The following NTNG2 variants were observed in gnomAD, a reference collection of about 807,000 sequenced individuals.
NTNG2 encodes netrin G2.
A neutral mutation model predicts 47.6 loss-of-function variants in NTNG2; 15 were observed. The observed-to-expected ratio is 0.32, with a 90% CI of 0.21 to 0.49. The LOEUF is 0.49. NTNG2 is among the 20% of genes least tolerant of loss of function. NTNG2 has a pLI of 0.99. For missense variants in NTNG2, 578 were observed against 764.6 expected (o/e 0.76, Z 2.88); for synonymous variants, 307 against 324.6 (o/e 0.95, Z 0.58).
intron 2 of NTNG2, among the ~76,000 whole-genome samples, chr9:132,186,486 C>T (rs999580148): frequency 2.0e-5 from 3 of 152,236 alleles, no homozygotes; most frequent in Admixed American, 1.3e-4. Context: ...TCTGGTGGTT[C>T]GGCTGACGGA....
intron 3 of NTNG2, among the ~76,000 whole-genome samples, chr9:132,223,313 G>C (rs1440301070): frequency 6.6e-6 from 1 of 152,180 alleles, no homozygotes; most frequent in Non-Finnish European, 1.5e-5. Context: ...GCTCTGGAAG[G>C]CGGCCCCCAG....
intron 5 of NTNG2, chr9:132,238,878 C>T (rs968852028): frequency 3.2e-6 from 2 of 623,034 alleles, no homozygotes; most frequent in Admixed American, 5.8e-5. Flanking sequence ...AGGTGGGAAT[C>T]CCTGGGCTCA....
intron 2 of NTNG2, among the ~76,000 whole-genome samples, chr9:132,174,577 C>G (rs943577401): frequency 6.6e-6 from 1 of 152,100 alleles, no homozygotes; most frequent in Non-Finnish European, 1.5e-5. Context: ...ACAAATAAGA[C>G]GAGACCAGGC....
chr9:132,241,735 C>A, intron 7 of NTNG2, 141 bp from the exon 8 acceptor site: 1 of 598,654 alleles, frequency 1.7e-6, no homozygotes, highest in South Asian at 2.1e-5. Context: ...GGGGACGTTT[C>A]GCACCCAGCG....
intron 2 of NTNG2, among the ~76,000 whole-genome samples, chr9:132,189,812 TA>T (rs1837726163): frequency 6.6e-6 from 1 of 151,556 alleles, no homozygotes; most frequent in African/African-American, 2.4e-5. Flanking sequence ...ACTAATTATT[TA>T]TTTTTTTTAA....
chr9:132,194,663 T>A (rs1838147119), intron 2 of NTNG2, among the ~76,000 whole-genome samples: 1 of 152,266 alleles, frequency 6.6e-6, no homozygotes, highest in East Asian at 1.9e-4. Flanking sequence ...TCCCCCCATC[T>A]GCTTAAGGAG....
rs1348665111 is a variant in NTNG2 at position 132,241,013 on chromosome 9, C to T, written c.1326C>T (p.Leu442=). The change falls in exon 7 of 8, where the codon CTC becomes CTT. Residue 442 remains leucine (L), a synonymous_variant. Coordinates refer to ENST00000393229, the MANE Select transcript of NTNG2 (RefSeq NM_032536.4). ...CGGGCCCCAAGTGCGACGACTGCCTCCCCACGCACTACTGGCGCCAGGGCT... is the reference window on the plus strand; with the variant it reads ...CGGGCCCCAAGTGCGACGACTGCCTTCCCACGCACTACTGGCGCCAGGGCT... The part of the protein sequence containing the change: ...GAAGPKCDDC[L]PTHYWRQGCY... 1 of 1,608,130 alleles carries T rather than the reference C, an allele frequency of 6.2e-7. No individual in the cohort carries two copies. The highest frequency in any genetic ancestry group is 1.1e-5 in the South Asian group (1 of 90,862).
In NTNG2 at chr9:132,162,567, AGAGTGTGTGTGTGTGT is replaced by A. The variant is rs1426915854; in HGVS notation, c.-484+330_-484+345del. 4.7e-4 allele frequency among the ~76,000 whole-genome samples: 48 copies of A among 101,772 alleles called. No individual in the cohort carries two copies. Among genetic ancestry groups the A allele is most frequent in the African/African-American group, 1.7e-3 (48 of 27,504 alleles). The allele number at this position is 101,772 out of a possible 152,430, so 66.8% of individuals were successfully genotyped here. ...GTGTGTGTGTGTGTGAGAGAGAGAC[AGAGTGTGTGTGTGTGT>A]GTGTGTGTGTGTGTGTGTGTGTGTG... On this transcript the variant is annotated intron_variant, in intron 1 of 7. Transcript: ENST00000393229. The surrounding 1 kb of genome is among the most constrained non-coding windows in gnomAD (Gnocchi z 4.6).
At chr9:132,201,325 G>T (rs967952665) in intron 3 of NTNG2, among the ~76,000 whole-genome samples, 1 of 152,264 alleles carries the variant, frequency 6.6e-6, no homozygotes, top group Non-Finnish European at 1.5e-5. Flanking sequence ...CTCTGCGGGC[G>T]GCGGGGAGGA....
chr9:132,225,393 C>T (rs1050320815), intron 3 of NTNG2, among the ~76,000 whole-genome samples: 2 of 152,156 alleles, frequency 1.3e-5, no homozygotes, highest in Non-Finnish European at 2.9e-5. Context: ...GCCCTAGCCT[C>T]TTGAGTAGCT....
chr9:132,222,084 G>A (rs1260093138), intron 3 of NTNG2, among the ~76,000 whole-genome samples: 1 of 152,200 alleles, frequency 6.6e-6, no homozygotes, highest in Non-Finnish European at 1.5e-5. Context: ...GTCAGATTTT[G>A]CAGACAAACT....
chr9:132,179,544 C>T (rs531638597), intron 2 of NTNG2, among the ~76,000 whole-genome samples: 10 of 152,256 alleles, frequency 6.6e-5, no homozygotes, highest in Non-Finnish European at 1.5e-4. Context: ...GCAATGCCGG[C>T]GATCATGGTG....
Position 132,198,624 on chromosome 9 carries a change from A to G in NTNG2, c.857+15A>G. On this transcript the variant is annotated intron_variant, in intron 3 of 7. Coordinates refer to ENST00000393229, the MANE Select transcript of NTNG2 (RefSeq NM_032536.4). ...GTCATCGGCAGGTAAGGCCGGGGGA[A>G]GCCCTGGATGTCACCTGCAACCTGG... 6.3e-7 allele frequency: 1 copy of G among 1,599,288 alleles called. No homozygotes were observed. Among genetic ancestry groups the G allele is most frequent in the Non-Finnish European group, 8.5e-7 (1 of 1,170,142 alleles).
intron 2 of NTNG2, among the ~76,000 whole-genome samples, chr9:132,177,246 C>T (rs1055077277): frequency 3.3e-5 from 5 of 152,220 alleles, no homozygotes; most frequent in Admixed American, 6.5e-5. Context: ...CTGGGCCTCC[C>T]GAAGTGCTGG....
At chr9:132,201,448 T>C (rs944028909) in intron 3 of NTNG2, among the ~76,000 whole-genome samples, 3 of 152,230 alleles carry the variant, frequency 2.0e-5, no homozygotes, top group Non-Finnish European at 4.4e-5. Flanking sequence ...AGCGAAGGAC[T>C]GAGGTTACCT....
chr9:132,165,843 G>T (rs1395159633), intron 1 of NTNG2, among the ~76,000 whole-genome samples: 1 of 152,192 alleles, frequency 6.6e-6, no homozygotes, highest in Non-Finnish European at 1.5e-5. Flanking sequence ...ATCTCCAAAT[G>T]TGCAACTCTG....
intron 2 of NTNG2, among the ~76,000 whole-genome samples, chr9:132,176,061 A>G (rs1836421494): frequency 6.6e-6 from 1 of 152,082 alleles, no homozygotes; most frequent in South Asian, 2.1e-4. Context: ...CAGTTAAACA[A>G]CGTTTTGGTG....
Position 132,234,146 on chromosome 9 carries a change from A to C in NTNG2, c.1054+3551A>C, listed in dbSNP as rs558184411. ...CAGGTTCAAGCAATTCTCCTGCCTC[A>C]GCCTCCCGAGTAGCTGGGATTACAG... is the stretch of plus-strand genomic sequence containing the variant. On this transcript the variant is annotated intron_variant, in intron 5 of 7. Coordinates refer to ENST00000393229, the MANE Select transcript of NTNG2 (RefSeq NM_032536.4). Among the ~76,000 whole-genome samples, 35 of 151,374 alleles carry C rather than the reference A, an allele frequency of 2.3e-4. 1 individual carries two copies. In the South Asian group the frequency reaches 4.4e-3, roughly 19 times the overall value.
chr9:132,177,357 T>G (rs1209972520), intron 2 of NTNG2, among the ~76,000 whole-genome samples: 1 of 152,226 alleles, frequency 6.6e-6, no homozygotes, highest in Admixed American at 6.5e-5. Context: ...GTGTCATATC[T>G]AAGAAACCAC....
Sources: allele counts gnomAD v4.1 joint callset (sites outside exome capture counted in the v4.1 genomes callset), GRCh38; gene constraint gnomAD v4.1.1; non-coding constraint Gnocchi (gnomAD v3.1); transcripts MANE v1.5; gene names NCBI Gene and HGNC (gene_info 2026-07-23, HGNC 2026-07-21).